Variants in PRUNE2 observed in about 807,000 individuals in gnomAD.
The protein encoded by PRUNE2 is prune homolog 2 with BCH domain.
A neutral mutation model predicts 252.0 loss-of-function variants in PRUNE2; 164 were observed. The ratio of observed to expected loss-of-function variants is 0.65; its 90% CI spans 0.57 to 0.74. The LOEUF (loss-of-function observed/expected upper bound fraction) is 0.74, where lower values mean the gene tolerates loss of function less well. Among genes scored for constraint, PRUNE2 ranks in the 30% least tolerant of loss-of-function variants. The probability of loss-of-function intolerance (pLI) is 0.00; values close to 1 mark genes in which losing one functional copy is unlikely to be tolerated. For synonymous variants in PRUNE2, 1,292 were observed against 1,350.2 expected, an observed-to-expected ratio of 0.96 and a Z score of 0.94; for missense variants, 3,495 against 3,711.0, an observed-to-expected ratio of 0.94 and a Z score of 1.51.
Position 76,704,876 on chromosome 9 carries a change from G to T in PRUNE2, c.7398C>A (p.Ser2466=). 6.2e-7 allele frequency: 1 copy of T among 1,607,348 alleles called. No individual in the cohort carries two copies. The highest frequency in any genetic ancestry group is 2.2e-5 in the East Asian group (1 of 44,672). The change falls in exon 8 of 19, where the codon TCC becomes TCA. Residue 2466 remains serine (S), a synonymous_variant. Transcript: ENST00000376718. ...AVLHIREDPE[S]VYLPVGAGSN... is the part of the protein sequence containing the mutation. ...AGCCTGCTCCTACCGGCAAATAAACGGACTCAGGGTCTTCACGAATATGCA... is the reference window on the plus strand; with the variant it reads ...AGCCTGCTCCTACCGGCAAATAAACTGACTCAGGGTCTTCACGAATATGCA...
At chr9:76,796,018 C>T (rs544254884) in intron 6 of PRUNE2, among the ~76,000 whole-genome samples, 2 of 152,338 alleles carry the variant, frequency 1.3e-5, no homozygotes, top group South Asian at 2.1e-4. Flanking sequence ...GTTCCAATCA[C>T]TCACTTCACA....
intron 17 of PRUNE2, among the ~76,000 whole-genome samples, chr9:76,620,379 G>C (rs1021800317): frequency 6.6e-6 from 1 of 152,022 alleles, no homozygotes; most frequent in Non-Finnish European, 1.5e-5. Flanking sequence ...GGACTCAAGC[G>C]ATCCTCCTGC....
intron 7 of PRUNE2, among the ~76,000 whole-genome samples, chr9:76,712,228 G>T (rs577066709): frequency 5.3e-5 from 8 of 152,282 alleles, no homozygotes; most frequent in African/African-American, 1.9e-4. Flanking sequence ...AATCACCACA[G>T]TAATTCCACA....
chr9:76,794,784 A>C (rs2055923988), intron 6 of PRUNE2, among the ~76,000 whole-genome samples: 1 of 152,166 alleles, frequency 6.6e-6, no homozygotes, highest in Non-Finnish European at 1.5e-5. Flanking sequence ...ATATATGTAT[A>C]ATGGGAATGC....
rs182222221 is a variant in PRUNE2 at position 76,829,756 on chromosome 9, T to G, written c.509-3024A>C. ...GCAGAGAATAGTTTTGTTTTGTTTT[T>G]TTTTTTTTAATCTGCCACTCTTCAA... On this transcript the variant is annotated intron_variant, in intron 4 of 18. Coordinates refer to ENST00000376718, the MANE Select transcript of PRUNE2 (RefSeq NM_015225.3). 4.6e-3 allele frequency among the ~76,000 whole-genome samples: 688 copies of G among 150,392 alleles called. 3 individuals carry two copies. The highest frequency in any genetic ancestry group is 4.5e-3 in the Non-Finnish European group (304 of 67,968).
intron 10 of PRUNE2, among the ~76,000 whole-genome samples, chr9:76,654,791 G>A (rs1848619722): frequency 6.6e-6 from 1 of 152,066 alleles, no homozygotes; most frequent in African/African-American, 2.4e-5. Flanking sequence ...CAAATACTAC[G>A]ACAGAAAAGA....
At chr9:76,768,575 GTATA>G (rs58284637) in intron 6 of PRUNE2, among the ~76,000 whole-genome samples, 26 of 124,370 alleles carry the variant, frequency 2.1e-4, no homozygotes, top group Admixed American at 1.1e-3. Context: ...ATATATATAT[GTATA>G]TGTATGTGTG....
Position 76,734,054 on chromosome 9 carries a change from T to C in PRUNE2, c.757-20333A>G, listed in dbSNP as rs550506773. Reference sequence around the variant, plus strand: ...TATGTAGGGGATTCAGGTTATTCAATGGAAGGGCTACTCAAGTCTGGGCAT... The same window carrying C: ...TATGTAGGGGATTCAGGTTATTCAACGGAAGGGCTACTCAAGTCTGGGCAT... On this transcript the variant is annotated intron_variant, in intron 6 of 18. Coordinates refer to ENST00000376718, the MANE Select transcript of PRUNE2 (RefSeq NM_015225.3). Among the ~76,000 whole-genome samples the C allele has an allele frequency of 4.6e-5, 7 of 152,266 alleles. No individual in the cohort carries two copies. In the East Asian group the frequency reaches 1.2e-3, roughly 25 times the overall value.
At chr9:76,744,961 C>A (rs1042592833) in intron 6 of PRUNE2, among the ~76,000 whole-genome samples, 2 of 152,144 alleles carry the variant, frequency 1.3e-5, no homozygotes, top group Non-Finnish European at 2.9e-5. Context: ...TAGGAGAAGG[C>A]CCAAGGTCAA....
At chr9:76,658,178 G>A (rs138346697) in intron 9 of PRUNE2, among the ~76,000 whole-genome samples, 174 of 152,306 alleles carry the variant, frequency 1.1e-3, no homozygotes, top group African/African-American at 4.1e-3. Context: ...GACCAAGATG[G>A]AGAAACCCCA....
At chr9:76,894,614 A>T (rs1747403279) in intron 1 of PRUNE2, among the ~76,000 whole-genome samples, 1 of 151,720 alleles carries the variant, frequency 6.6e-6, no homozygotes, top group East Asian at 1.9e-4. Flanking sequence ...GAGGATCAAA[A>T]TGCTTCTGCC....
Position 76,643,377 on chromosome 9 carries a change from T to G in PRUNE2, c.8728+1362A>C, listed in dbSNP as rs560157287. Among the ~76,000 whole-genome samples the G allele has an allele frequency of 1.8e-4, 27 of 152,326 alleles. 1 individual carries two copies. In the South Asian group the frequency reaches 5.6e-3, roughly 32 times the overall value. On this transcript the variant is annotated intron_variant, in intron 12 of 18. Coordinates refer to ENST00000376718, the MANE Select transcript of PRUNE2 (RefSeq NM_015225.3). ...AGACTACTCTTACAGGCAGCCTTTGTTTTGTTTCTATTTTCAAAAAGAAAA... is the reference window on the plus strand; with the variant it reads ...AGACTACTCTTACAGGCAGCCTTTGGTTTGTTTCTATTTTCAAAAAGAAAA...
At chr9:76,889,497 T>A (rs1265280826) in intron 1 of PRUNE2, among the ~76,000 whole-genome samples, 1 of 151,964 alleles carries the variant, frequency 6.6e-6, no homozygotes, top group African/African-American at 2.4e-5. Context: ...CTTTTTGATT[T>A]TTAGTAGAAA....
intron 4 of PRUNE2, among the ~76,000 whole-genome samples, chr9:76,836,385 A>G (rs939681214): frequency 9.0e-6 from 1 of 111,676 alleles, no homozygotes; most frequent in Admixed American, 9.3e-5. Context: ...AGATAGGGGG[A>G]GGGAGAAGCC....
intron 1 of PRUNE2, among the ~76,000 whole-genome samples, chr9:76,894,886 C>G (rs1177893202): frequency 1.3e-5 from 2 of 151,872 alleles, no homozygotes; most frequent in Non-Finnish European, 2.9e-5. Flanking sequence ...ATTAGCTGGG[C>G]GTGATGGCGC....
At chr9:76,774,137 T>A (rs895989691) in intron 6 of PRUNE2, among the ~76,000 whole-genome samples, 8 of 152,128 alleles carry the variant, frequency 5.3e-5, no homozygotes, top group South Asian at 4.1e-4. Flanking sequence ...TTTTTAATTT[T>A]AAAAAAATAT....
intron 6 of PRUNE2, among the ~76,000 whole-genome samples, chr9:76,805,054 T>C (rs2131620363): frequency 6.6e-6 from 1 of 152,320 alleles, no homozygotes; most frequent in South Asian, 2.1e-4. Flanking sequence ...GGCATGATCT[T>C]GTGGGACATC....
At position 76,768,597 on chromosome 9, in the gene PRUNE2, G is replaced by GTGTC. The variant is rs1018269832; in HGVS notation, c.757-54877_757-54876insGACA. ...TATGTATATGTATGTGTGTGTGTGTGTGTGTGTGTGTGTGTGTGTGTGTGT... is the reference window on the plus strand; with the variant it reads ...TATGTATATGTATGTGTGTGTGTGTGTGTCTGTGTGTGTGTGTGTGTGTGTGTGT... On this transcript the variant is annotated intron_variant, in intron 6 of 18. Coordinates refer to ENST00000376718, the MANE Select transcript of PRUNE2 (RefSeq NM_015225.3). Among the ~76,000 whole-genome samples, 803 of 148,620 alleles carry GTGTC rather than the reference G, an allele frequency of 5.4e-3. 9 individuals are homozygous for GTGTC. The highest frequency in any genetic ancestry group is 0.02 in the African/African-American group (771 of 38,670).
intron 6 of PRUNE2, among the ~76,000 whole-genome samples, chr9:76,775,744 A>C (rs2053663006): frequency 6.6e-6 from 1 of 152,240 alleles, no homozygotes; most frequent in South Asian, 2.1e-4. Context: ...ATCCCATTTC[A>C]GGCAAATTCT....
Sources: allele counts gnomAD v4.1 joint callset (sites outside exome capture counted in the v4.1 genomes callset), GRCh38; gene constraint gnomAD v4.1.1; transcripts MANE v1.5; gene names NCBI Gene and HGNC (gene_info 2026-07-23, HGNC 2026-07-21).